Variants in ZFHX4 observed in about 807,000 individuals in gnomAD.
ZFHX4 encodes zinc finger homeobox protein 4.
ZFHX4 carries 56 observed loss-of-function variants against 267.6 expected under a neutral mutation model. That is an observed-to-expected ratio of 0.21 (90% CI 0.17 to 0.26). The LOEUF (loss-of-function observed/expected upper bound fraction) is 0.26. Among genes scored for constraint, ZFHX4 ranks in the 10% least tolerant of loss-of-function variants. The probability of loss-of-function intolerance (pLI) is 1.00; values close to 1 mark genes in which losing one functional copy is unlikely to be tolerated. For synonymous variants in ZFHX4, 1,778 were observed against 1,665.6 expected, an observed-to-expected ratio of 1.07 and a Z score of -1.64; for missense variants, 4,332 against 4,420.0, an observed-to-expected ratio of 0.98 and a Z score of 0.56.
Position 76,706,498 on chromosome 8 carries a change from C to G in ZFHX4, c.2410C>G (p.Gln804Glu). Reference protein sequence around the residue: ...NMMLLQQNMKQIQHNLHLGLA... With the variant: ...NMMLLQQNMKEIQHNLHLGLA... ...GATGCTTTTGCAGCAGAACATGAAG[C>G]AGATCCAGCATAATCTGCACTTGGG... Residue 804 changes from glutamine (Q) to glutamate (E), a missense_variant, in exon 2 of 11, where the codon CAG (glutamine) becomes GAG (glutamate). Physicochemically the swap from Gln to Glu is conservative, Grantham distance 29. Transcript: ENST00000651372. The G allele has an allele frequency of 6.2e-7, 1 of 1,613,836 alleles. No homozygotes were observed. The highest frequency in any genetic ancestry group is 8.5e-7 in the Non-Finnish European group (1 of 1,179,838).
chr8:76,711,396 A>G (rs564138707), intron 3 of ZFHX4, among the ~76,000 whole-genome samples: 13 of 152,298 alleles, frequency 8.5e-5, no homozygotes, highest in South Asian at 2.1e-4. Flanking sequence ...TTTACTTTTA[A>G]TGTTTGAATA....
chr8:76,842,587 C>G, intron 5 of ZFHX4, 68 bp from the exon 6 acceptor site: 2 of 1,135,664 alleles, frequency 1.8e-6, no homozygotes, highest in South Asian at 3.0e-5. Context: ...AAGTGGCCAC[C>G]TAGTTTATTT....
intron 3 of ZFHX4, among the ~76,000 whole-genome samples, chr8:76,758,912 A>G (rs931645457): frequency 6.6e-6 from 1 of 152,196 alleles, no homozygotes; most frequent in African/African-American, 2.4e-5. Context: ...GTCTTGAGGC[A>G]TTCAGGCTTA....
chr8:76,793,446 C>T (rs994156176), intron 4 of ZFHX4, among the ~76,000 whole-genome samples: 1 of 152,160 alleles, frequency 6.6e-6, no homozygotes, highest in African/African-American at 2.4e-5. Flanking sequence ...AAAATCCCTA[C>T]TTGATTTCAA....
chr8:76,823,425 C>A (rs981602707), intron 4 of ZFHX4, among the ~76,000 whole-genome samples: 1 of 152,164 alleles, frequency 6.6e-6, no homozygotes, highest in African/African-American at 2.4e-5. Flanking sequence ...CATGGATATG[C>A]ATAAGTATTG....
Position 76,705,423 on chromosome 8 carries a change from TGAAAGGCCAAAA to T in ZFHX4, c.1341_1352del (p.Arg447_Glu450del). 6.2e-7 allele frequency: 1 copy of T among 1,613,694 alleles called. No individual in the cohort carries two copies. Among genetic ancestry groups the T allele is most frequent in the Non-Finnish European group, 8.5e-7 (1 of 1,179,854 alleles). ...AGAGCAAAGACCAAGAGAACAACTG[TGAAAGGCCAAAA>T]GAAAGCAACGTTTTACACCCAAACG... is the stretch of plus-strand genomic sequence containing the variant. On this transcript the variant is annotated inframe_deletion, in exon 2 of 11. Coordinates refer to ENST00000651372, the MANE Select transcript of ZFHX4 (RefSeq NM_024721.5).
chr8:76,682,361 G>C (rs891107257), intron 1 of ZFHX4, among the ~76,000 whole-genome samples: 4 of 152,162 alleles, frequency 2.6e-5, no homozygotes, highest in Non-Finnish European at 5.9e-5. Context: ...CCGGGGGTTC[G>C]TGAGCTCTGG....
At chr8:76,732,535 TTCAAAAGCAG>T (rs1809049439) in intron 3 of ZFHX4, among the ~76,000 whole-genome samples, 1 of 152,136 alleles carries the variant, frequency 6.6e-6, no homozygotes, top group Non-Finnish European at 1.5e-5. Context: ...CTTGGAGTTC[TTCAAAAGCAG>T]TGGCTACACT....
At position 76,852,691 on chromosome 8, in the gene ZFHX4, T is replaced by G; in HGVS notation, c.5770T>G (p.Tyr1924Asp). 1.2e-6 allele frequency: 2 copies of G among 1,613,810 alleles called. No homozygotes were observed. The highest frequency in any genetic ancestry group is 1.1e-5 in the South Asian group (1 of 91,062). Residue 1924 changes from tyrosine (Y) to aspartate (D), a missense_variant, in exon 10 of 11, where the codon TAT becomes GAT. Transcript: ENST00000651372. ...CTTTGGTTTTGAACTGGTCATTCAG[T>G]ATAACGAAAACAGGCAGAAGGTACA... ...ENFGFELVIQ[Y>D]NENRQKVQKK...
chr8:76,722,607 G>GTTT (rs57934650), intron 3 of ZFHX4, among the ~76,000 whole-genome samples: 6,068 of 144,536 alleles, frequency 0.042, 266 homozygotes, highest in East Asian at 0.24. Context: ...CTTTTTATGT[G>GTTT]TTTTTTTTTT....
Position 76,864,640 on chromosome 8 carries a change from T to C in ZFHX4, c.*75T>C. On this transcript the variant is annotated 3_prime_UTR_variant, in exon 11 of 11. Transcript: ENST00000651372. ...AAAAAAAATAAGACTTTAACTGCAG[T>C]TCCAAAGCTTCTCTAACCCAAAAAT... The C allele has an allele frequency of 1.1e-6, 1 of 950,514 alleles. No individual in the cohort carries two copies. 58.9% of individuals were successfully genotyped at this position (950,514 alleles called of 1,614,324 possible).
rs774812179 is a variant in ZFHX4, at chr8:76,853,473, A to G, written c.6552A>G (p.Glu2184=). ...GGTTTAGAAATACGCTTTTTAAGGAACGACAGAGAAATAAAGATTCACCAT... is the reference window on the plus strand; with the variant it reads ...GGTTTAGAAATACGCTTTTTAAGGAGCGACAGAGAAATAAAGATTCACCAT... ...KHWFRNTLFK[E]RQRNKDSPYN... The change falls in exon 10 of 11, where the codon GAA becomes GAG. Residue 2184 remains glutamate, a synonymous_variant. Coordinates refer to ENST00000651372, the MANE Select transcript of ZFHX4 (RefSeq NM_024721.5). The G allele has an allele frequency of 6.2e-7, 1 of 1,613,862 alleles. No individual in the cohort carries two copies. Among genetic ancestry groups the G allele is most frequent in the Non-Finnish European group, 8.5e-7 (1 of 1,179,864 alleles).
chr8:76,833,457 C>T (rs1811991161), intron 5 of ZFHX4, 51 bp downstream of exon 5: 2 of 1,373,024 alleles, frequency 1.5e-6, no homozygotes, highest in Admixed American at 3.9e-5. Flanking sequence ...AAATGAGTTG[C>T]TTTTGTTACT....
At chr8:76,708,105 C>A (rs1469220209) in intron 3 of ZFHX4, 57 bp downstream of exon 3, 1 of 1,600,152 alleles carries the variant, frequency 6.2e-7, no homozygotes, top group Admixed American at 1.7e-5. Flanking sequence ...TTAACTCTTT[C>A]AGAGCTTGGA....
intron 3 of ZFHX4, among the ~76,000 whole-genome samples, chr8:76,721,778 A>C (rs1194297553): frequency 2.0e-5 from 3 of 152,136 alleles, no homozygotes; most frequent in Non-Finnish European, 4.4e-5. Flanking sequence ...ACATTGTTGA[A>C]AAATAATGTA....
At chr8:76,802,758 C>G (rs953818489) in intron 4 of ZFHX4, among the ~76,000 whole-genome samples, 1 of 152,140 alleles carries the variant, frequency 6.6e-6, no homozygotes, top group Non-Finnish European at 1.5e-5. Flanking sequence ...AGATTATCAG[C>G]TTTAGGCCTC....
chr8:76,770,375 T>A (rs1057076603), intron 3 of ZFHX4, among the ~76,000 whole-genome samples: 1 of 152,124 alleles, frequency 6.6e-6, no homozygotes, highest in African/African-American at 2.4e-5. Context: ...CTATATTCAA[T>A]CAATTAGGCA....
intron 3 of ZFHX4, among the ~76,000 whole-genome samples, chr8:76,769,275 C>A (rs1426415620): frequency 1.3e-5 from 2 of 151,976 alleles, no homozygotes; most frequent in Non-Finnish European, 2.9e-5. Flanking sequence ...TCTCAGTGTG[C>A]TTTGCATATT....
At chr8:76,749,590 C>A (rs1179681933) in intron 3 of ZFHX4, among the ~76,000 whole-genome samples, 2 of 152,142 alleles carry the variant, frequency 1.3e-5, no homozygotes, top group African/African-American at 4.8e-5. Context: ...TGGGGTAAAA[C>A]TTCCTGGGCC....
Sources: allele counts gnomAD v4.1 joint callset (sites outside exome capture counted in the v4.1 genomes callset), GRCh38; gene constraint gnomAD v4.1.1; transcripts MANE v1.5; gene names NCBI Gene and HGNC (gene_info 2026-07-23, HGNC 2026-07-21).